The following RAB1B variants were observed in gnomAD, a reference collection of about 807,000 sequenced individuals.
RAB1B encodes the protein ras-related protein Rab-1B.
RAB1B carries 10 observed loss-of-function variants against 24.8 expected under a neutral mutation model. The ratio of observed to expected loss-of-function variants is 0.40; its 90% CI spans 0.25 to 0.68. The LOEUF (loss-of-function observed/expected upper bound fraction) is 0.68. RAB1B is among the 30% of genes least tolerant of loss of function. The probability of loss-of-function intolerance (pLI) is 0.37; values close to 1 mark genes in which losing one functional copy is unlikely to be tolerated. For missense variants in RAB1B, 154 were observed against 271.2 expected, an observed-to-expected ratio of 0.57 and a Z score of 3.04; for synonymous variants, 99 against 111.7, an observed-to-expected ratio of 0.89 and a Z score of 0.72.
At chr11:66,274,723 T>G in intron 4 of RAB1B, among the ~76,000 whole-genome samples, 2 of 94,478 alleles carry the variant, frequency 2.1e-5, no homozygotes, top group South Asian at 4.2e-4. Flanking sequence ...TCCTCCCCTC[T>G]TCCCCCTCTC....
chr11:66,275,958 C>T (rs374208171), intron 5 of RAB1B, 23 bp downstream of exon 5: 53 of 1,609,970 alleles, frequency 3.3e-5, no homozygotes, highest in East Asian at 2.9e-4. Flanking sequence ...CCGGTCTGCC[C>T]GGGGTCGGGG....
chr11:66,272,956 C>G (rs987969169), intron 4 of RAB1B, among the ~76,000 whole-genome samples: 1 of 152,230 alleles, frequency 6.6e-6, no homozygotes. Context: ...TCCCATGTGA[C>G]TAGCAGTGGT....
intron 1 of RAB1B, 115 bp from the exon 2 acceptor site, chr11:66,271,682 T>A (rs1857060418): frequency 1.9e-5 from 14 of 720,668 alleles, no homozygotes; most frequent in South Asian, 1.9e-4. Flanking sequence ...AAAAAAAAAA[T>A]AAAAATAAAC....
chr11:66,275,717 C>T (rs965108696), intron 4 of RAB1B, 87 bp from the exon 5 acceptor site: 3 of 1,440,096 alleles, frequency 2.1e-6, no homozygotes, highest in African/African-American at 1.4e-5. Flanking sequence ...CGGAGCTGTA[C>T]TGTTCCCCTC....
intron 4 of RAB1B, among the ~76,000 whole-genome samples, chr11:66,274,157 G>A (rs764681764): frequency 6.6e-6 from 1 of 151,884 alleles, no homozygotes; most frequent in African/African-American, 2.4e-5. Context: ...CCATCTTTGT[G>A]ACACAATCCT....
chr11:66,276,323 T>C lies in RAB1B; in HGVS notation c.*85T>C. On this transcript the variant is annotated 3_prime_UTR_variant, in exon 6 of 6. Transcript: ENST00000311481. Reference sequence around the variant, plus strand: ...GGCAGGAGGTACCTCCCTCTCCCTCTCCTGGGGCATTTGAGTCTGTGGCTT... The same window carrying C: ...GGCAGGAGGTACCTCCCTCTCCCTCCCCTGGGGCATTTGAGTCTGTGGCTT... The C allele has an allele frequency of 7.7e-7, 1 of 1,297,400 alleles. No individual in the cohort carries two copies. Among genetic ancestry groups the C allele is most frequent in the South Asian group, 1.6e-5 (1 of 63,666 alleles). 80.4% of individuals were successfully genotyped at this position (1,297,400 alleles called of 1,614,324 possible). A position where few individuals can be genotyped will look rare whatever the true frequency, so the allele number is the denominator to read the frequency against.
chr11:66,276,166 C>T lies in RAB1B; in HGVS notation c.534C>T (p.Ala178=), dbSNP rs916549270. The change falls in exon 6 of 6, where the codon GCC becomes GCT. Residue 178 remains alanine, a synonymous_variant. Coordinates refer to ENST00000311481, the MANE Select transcript of RAB1B (RefSeq NM_030981.3). ...AAAAGCGGATGGGGCCTGGAGCAGCCTCTGGGGGCGAGCGGCCCAATCTCA... is the reference window on the plus strand; with the variant it reads ...AAAAGCGGATGGGGCCTGGAGCAGCTTCTGGGGGCGAGCGGCCCAATCTCA... The part of the protein sequence containing the change: ...EIKKRMGPGA[A]SGGERPNLKI... 2 of 1,610,504 alleles carry T rather than the reference C, an allele frequency of 1.2e-6. No individual in the cohort carries two copies. The highest frequency in any genetic ancestry group is 2.2e-5 in the East Asian group (1 of 44,880).
intron 3 of RAB1B, 35 bp from the exon 4 acceptor site, chr11:66,272,330 T>C: frequency 6.2e-7 from 1 of 1,608,098 alleles, no homozygotes; most frequent in Non-Finnish European, 8.5e-7. Context: ...ACTCTGGACC[T>C]CAGCTGACCT....
rs3831389 is a variant in RAB1B, at chr11:66,276,271, CCTT to C, written c.*36_*38del. On this transcript the variant is annotated 3_prime_UTR_variant, in exon 6 of 6. Coordinates refer to ENST00000311481, the MANE Select transcript of RAB1B (RefSeq NM_030981.3). ...ACATGGAGTGGGACAGGAGGGGGCA[CCTT>C]CTCCAGATGATGTCCCTGGAGGGGG... 0.17 allele frequency: 261,487 copies of C among 1,525,290 alleles called. 22,977 individuals carry two copies. Among genetic ancestry groups the C allele is most frequent in the East Asian group, 0.25 (10,813 of 43,388 alleles). The allele number at this position is 1,525,290 out of a possible 1,614,324, so 94.5% of individuals were successfully genotyped here. A position where few individuals can be genotyped will look rare whatever the true frequency, so the allele number is the denominator to read the frequency against.
chr11:66,272,519 C>G (rs906143132), intron 4 of RAB1B, 59 bp downstream of exon 4: 1 of 1,079,902 alleles, frequency 9.3e-7, no homozygotes, highest in Non-Finnish European at 1.4e-6. Context: ...TTTGACTCTT[C>G]TTTTTCCTCC....
intron 3 of RAB1B, 37 bp downstream of exon 3, chr11:66,272,289 G>A: frequency 6.3e-7 from 1 of 1,599,718 alleles, no homozygotes. Context: ...CAGTACAGAG[G>A]TATCCACCTT....
intron 4 of RAB1B, 54 bp from the exon 5 acceptor site, chr11:66,275,750 G>C (rs1049234072): frequency 6.5e-7 from 1 of 1,535,838 alleles, no homozygotes; most frequent in African/African-American, 1.4e-5. Flanking sequence ...CTCCAGGCCT[G>C]GGGTAGGGGT....
chr11:66,274,785 T>G lies in RAB1B; in HGVS notation c.280-1019T>G, dbSNP rs533991066. ...CCCCATTCCCCCTCCCTGTCCCCCC[T>G]CCCTGTTGAGTGTCTGCATCCCAGC... On this transcript the variant is annotated intron_variant, in intron 4 of 5. Coordinates refer to ENST00000311481, the MANE Select transcript of RAB1B (RefSeq NM_030981.3). 2.2e-4 allele frequency among the ~76,000 whole-genome samples: 13 copies of G among 58,134 alleles called. 1 individual carries two copies. In the East Asian group the frequency reaches 8.4e-3, roughly 37 times the overall value. 38.1% of individuals were successfully genotyped at this position (58,134 alleles called of 152,430 possible). A position where few individuals can be genotyped will look rare whatever the true frequency, so the allele number is the denominator to read the frequency against.
chr11:66,272,603 GA>G, intron 4 of RAB1B, 143 bp downstream of exon 4: 27 of 566,128 alleles, frequency 4.8e-5, no homozygotes, highest in Non-Finnish European at 5.6e-5. Context: ...CTAGGAAAAA[GA>G]AAAAAAATAG....
chr11:66,276,318 C>T lies in RAB1B; in HGVS notation c.*80C>T. The T allele has an allele frequency of 2.2e-6, 3 of 1,339,954 alleles. No individual in the cohort carries two copies. The highest frequency in any genetic ancestry group is 2.0e-6 in the Non-Finnish European group (2 of 1,003,932). 83.0% of individuals were successfully genotyped at this position (1,339,954 alleles called of 1,614,324 possible). ...GAGGGGGCAGGAGGTACCTCCCTCT[C>T]CCTCTCCTGGGGCATTTGAGTCTGT... is the stretch of plus-strand genomic sequence containing the variant. On this transcript the variant is annotated 3_prime_UTR_variant, in exon 6 of 6. Transcript: ENST00000311481.
chr11:66,275,945 G>T lies in RAB1B; in HGVS notation c.411+10G>T. The T allele has an allele frequency of 6.2e-7, 1 of 1,611,122 alleles. No homozygotes were observed. Among genetic ancestry groups the T allele is most frequent in the South Asian group, 1.1e-5 (1 of 90,390 alleles). Reference sequence around the variant, plus strand: ...CAACACCACAGCCAAGGTAGCAGACGGGCCGGTCTGCCCGGGGTCGGGGCG... The same window carrying T: ...CAACACCACAGCCAAGGTAGCAGACTGGCCGGTCTGCCCGGGGTCGGGGCG... On this transcript the variant is annotated intron_variant, in intron 5 of 5. Transcript: ENST00000311481.
rs61730423 is a variant in RAB1B at position 66,276,082 on chromosome 11, G to A, written c.450G>A (p.Thr150=). The A allele has an allele frequency of 1.2e-4, 197 of 1,613,602 alleles. 2 individuals carry two copies. The highest frequency in any genetic ancestry group is 1.5e-4 in the South Asian group (14 of 90,980). The change falls in exon 6 of 6, where the codon ACG becomes ACA. Residue 150 remains threonine, a synonymous_variant. Coordinates refer to ENST00000311481, the MANE Select transcript of RAB1B (RefSeq NM_030981.3). ...ADSLGIPFLE[T]SAKNATNVEQ... is the part of the protein sequence containing the mutation. ...CTCTGGGCATCCCCTTCTTGGAGACGAGCGCCAAGAATGCCACCAATGTCG... is the reference window on the plus strand; with the variant it reads ...CTCTGGGCATCCCCTTCTTGGAGACAAGCGCCAAGAATGCCACCAATGTCG...
intron 4 of RAB1B, 86 bp downstream of exon 4, chr11:66,272,546 C>T: frequency 1.1e-6 from 1 of 875,788 alleles, no homozygotes; most frequent in South Asian, 1.8e-5. Flanking sequence ...CCTCTCTTTC[C>T]TGATGCTTCC....
chr11:66,275,813 G>A lies in RAB1B; in HGVS notation c.289G>A (p.Ala97Thr), dbSNP rs749444356. Residue 97 changes from alanine (A) to threonine (T), a missense_variant, in exon 5 of 6, where the codon GCC becomes ACC. Transcript: ENST00000311481. Reference protein sequence around the residue: ...VYDVTDQESYANVKQWLQEID... With the variant: ...VYDVTDQESYTNVKQWLQEID... ...CCCTGGCCCCCTTTAGGAATCCTAC[G>A]CCAACGTGAAGCAGTGGCTGCAGGA... 45 of 1,581,780 alleles carry A rather than the reference G, an allele frequency of 2.8e-5. No homozygotes were observed. Among genetic ancestry groups the A allele is most frequent in the Middle Eastern group, 1.7e-4 (1 of 6,012 alleles).
Sources: allele counts gnomAD v4.1 joint callset (sites outside exome capture counted in the v4.1 genomes callset), GRCh38; gene constraint gnomAD v4.1.1; transcripts MANE v1.5; gene names NCBI Gene and HGNC (gene_info 2026-07-23, HGNC 2026-07-21).